Variants in STXBP5L observed in about 807,000 individuals in gnomAD.
STXBP5L encodes syntaxin-binding protein 5-like.
In STXBP5L, 65 loss-of-function variants were observed where a neutral mutation model predicts 144.5. The ratio of observed to expected loss-of-function variants is 0.45; its 90% CI spans 0.37 to 0.55. STXBP5L has a LOEUF of 0.55. STXBP5L is among the 20% of genes least tolerant of loss of function. The probability of loss-of-function intolerance (pLI) is 0.00; values close to 1 mark genes in which losing one functional copy is unlikely to be tolerated. For missense variants in STXBP5L, 1,298 were observed against 1,405.5 expected, an observed-to-expected ratio of 0.92 and a Z score of 1.22; for synonymous variants, 505 against 469.6, an observed-to-expected ratio of 1.08 and a Z score of -0.97.
chr3:121,066,466 G>A (rs2041554882), intron 5 of STXBP5L, among the ~76,000 whole-genome samples: 1 of 151,542 alleles, frequency 6.6e-6, no homozygotes, highest in Non-Finnish European at 1.5e-5. Flanking sequence ...ATTGAGATGA[G>A]CATGTAATTT....
intron 3 of STXBP5L, among the ~76,000 whole-genome samples, chr3:121,019,657 A>G (rs1445513138): frequency 2.6e-5 from 4 of 152,210 alleles, no homozygotes; most frequent in East Asian, 3.9e-4. Context: ...CTAGGTGATT[A>G]GATCTGGAAG....
intron 9 of STXBP5L, among the ~76,000 whole-genome samples, chr3:121,188,742 T>C (rs2047505849): frequency 6.6e-6 from 1 of 152,192 alleles, no homozygotes; most frequent in Non-Finnish European, 1.5e-5. Flanking sequence ...GAAAAAGCCT[T>C]TGGCAAAATT....
At chr3:121,217,446 AC>A (rs1267563008) in intron 10 of STXBP5L, among the ~76,000 whole-genome samples, 1 of 151,824 alleles carries the variant, frequency 6.6e-6, no homozygotes, top group African/African-American at 2.4e-5. Context: ...AAGTTCTTCA[AC>A]CCCTTGCACT....
At chr3:121,019,438 C>G (rs1046487054) in intron 3 of STXBP5L, among the ~76,000 whole-genome samples, 1 of 152,208 alleles carries the variant, frequency 6.6e-6, no homozygotes, top group African/African-American at 2.4e-5. Flanking sequence ...TTGAAAGCCC[C>G]ACCTCATGGC....
intron 10 of STXBP5L, among the ~76,000 whole-genome samples, chr3:121,214,687 T>C (rs1038643095): frequency 1.3e-5 from 2 of 152,226 alleles, no homozygotes; most frequent in African/African-American, 4.8e-5. Flanking sequence ...TCTGTTGATT[T>C]GTGGTGCAGA....
chr3:121,288,595 G>A (rs2051310152), intron 19 of STXBP5L, among the ~76,000 whole-genome samples: 1 of 152,052 alleles, frequency 6.6e-6, no homozygotes, highest in Non-Finnish European at 1.5e-5. Context: ...ATGATTGGAG[G>A]TGTTGAGCAT....
chr3:121,020,650 C>G (rs1201225762), intron 3 of STXBP5L, among the ~76,000 whole-genome samples: 1 of 152,074 alleles, frequency 6.6e-6, no homozygotes, highest in African/African-American at 2.4e-5. Context: ...AATTTTTTAT[C>G]AGGTGAAACT....
At chr3:121,284,121 T>G (rs935226243) in intron 19 of STXBP5L, among the ~76,000 whole-genome samples, 7 of 152,042 alleles carry the variant, frequency 4.6e-5, no homozygotes, top group African/African-American at 1.7e-4. Context: ...GATGTAAAGT[T>G]TTTAAAAGTT....
intron 3 of STXBP5L, among the ~76,000 whole-genome samples, chr3:121,028,336 A>C (rs753285821): frequency 6.6e-6 from 1 of 152,058 alleles, no homozygotes; most frequent in Non-Finnish European, 1.5e-5. Context: ...TCTAGTTGAT[A>C]TTATTAGTAA....
At chr3:121,050,879 G>A (rs1947921995) in intron 5 of STXBP5L, among the ~76,000 whole-genome samples, 1 of 152,098 alleles carries the variant, frequency 6.6e-6, no homozygotes, top group Non-Finnish European at 1.5e-5. Flanking sequence ...AAAATAAAGG[G>A]ATGGAGGAAG....
intron 20 of STXBP5L, among the ~76,000 whole-genome samples, chr3:121,353,180 C>T (rs2045366655): frequency 6.6e-6 from 1 of 152,084 alleles, no homozygotes; most frequent in African/African-American, 2.4e-5. Flanking sequence ...TTGGTATCAG[C>T]ATGATGTTGG....
chr3:120,925,407 A>G (rs1709570679), intron 2 of STXBP5L, among the ~76,000 whole-genome samples: 1 of 152,160 alleles, frequency 6.6e-6, no homozygotes, highest in East Asian at 1.9e-4. Flanking sequence ...TTATTATTAT[A>G]TAGTGATCTT....
intron 3 of STXBP5L, among the ~76,000 whole-genome samples, chr3:121,015,342 A>G (rs1185558360): frequency 6.6e-6 from 1 of 152,174 alleles, no homozygotes; most frequent in East Asian, 1.9e-4. Context: ...AAACAATAAG[A>G]TGTTGATCAG....
chr3:121,191,248 A>G (rs140600874), intron 9 of STXBP5L, among the ~76,000 whole-genome samples: 5,415 of 152,302 alleles, frequency 0.036, 147 homozygotes, highest in Middle Eastern at 0.082. Flanking sequence ...AGCCTGGGCA[A>G]CATTGAACAC....
chr3:121,073,369 G>A (rs1419604575), intron 5 of STXBP5L, among the ~76,000 whole-genome samples: 1 of 152,182 alleles, frequency 6.6e-6, no homozygotes. Context: ...TGCTCCATCA[G>A]GGTGACACGA....
intron 20 of STXBP5L, among the ~76,000 whole-genome samples, chr3:121,347,282 T>C (rs1266238926): frequency 6.6e-6 from 1 of 152,224 alleles, no homozygotes; most frequent in East Asian, 1.9e-4. Context: ...GCATTATTTC[T>C]GAGGGCTCTA....
At chr3:121,375,247 A>G (rs1464444280) in intron 20 of STXBP5L, among the ~76,000 whole-genome samples, 1 of 152,192 alleles carries the variant, frequency 6.6e-6, no homozygotes, top group African/African-American at 2.4e-5. Flanking sequence ...ACATACAGAT[A>G]TGGAAAGTTC....
intron 3 of STXBP5L, among the ~76,000 whole-genome samples, chr3:120,983,606 A>C (rs544378608): frequency 6.6e-5 from 10 of 152,140 alleles, no homozygotes; most frequent in Non-Finnish European, 1.3e-4. Flanking sequence ...TGTAATTTCT[A>C]GGCAGTTCCC....
chr3:121,373,261 T>G (rs1272454163), intron 20 of STXBP5L, among the ~76,000 whole-genome samples: 1 of 152,126 alleles, frequency 6.6e-6, no homozygotes, highest in South Asian at 2.1e-4. Context: ...GGAGAAACGG[T>G]AAGTGAGAGA....
Sources: gnomAD v4.1 joint callset for allele counts (sites outside exome capture counted in the v4.1 genomes callset) on GRCh38, gnomAD v4.1.1 for gene constraint, MANE v1.5 for transcripts, NCBI Gene and HGNC (gene_info 2026-07-23, HGNC 2026-07-21) for gene names.